RGS6: variants seen among roughly 807,000 people sequenced by gnomAD.
The protein encoded by RGS6 is regulator of G-protein signaling 6.
Under a neutral mutation model 78.5 loss-of-function variants are expected in RGS6, and 30 were observed. The observed-to-expected ratio is 0.38, with a 90% CI of 0.29 to 0.52. The LOEUF is 0.52. Among genes scored for constraint, RGS6 ranks in the 20% least tolerant of loss-of-function variants. The probability of loss-of-function intolerance (pLI) is 0.85; values close to 1 mark genes in which losing one functional copy is unlikely to be tolerated. For missense variants in RGS6, 495 were observed against 609.7 expected (o/e 0.81, Z 1.98); for synonymous variants, 206 against 206.0 (o/e 1.00, Z 0.00).
chr14:72,374,425 A>G (rs1490247307), intron 3 of RGS6, among the ~76,000 whole-genome samples: 1 of 152,210 alleles, frequency 6.6e-6, no homozygotes, highest in African/African-American at 2.4e-5. Context: ...CATTATTCAC[A>G]ATAGCAAAGA....
chr14:72,398,071 G>T (rs866608559), intron 3 of RGS6, among the ~76,000 whole-genome samples: 19 of 152,318 alleles, frequency 1.2e-4, no homozygotes, highest in Admixed American at 1.0e-3. Flanking sequence ...CTCATAAAAT[G>T]AGTTAGGGAG....
At chr14:72,189,074 G>C (rs1177604246) in intron 2 of RGS6, among the ~76,000 whole-genome samples, 2 of 152,196 alleles carry the variant, frequency 1.3e-5, no homozygotes, top group Non-Finnish European at 2.9e-5. Context: ...GGCTCAGATA[G>C]TAAATGTGTT....
At chr14:71,905,176 G>T in the RGS6 span, among the ~76,000 whole-genome samples, 1 of 152,122 alleles carries the variant, frequency 6.6e-6, no homozygotes, top group African/African-American at 2.4e-5. Context: ...TCCATCCATG[G>T]ACAGCAGATG....
At chr14:71,907,803 T>G in the RGS6 span, among the ~76,000 whole-genome samples, 1 of 151,710 alleles carries the variant, frequency 6.6e-6, no homozygotes, top group East Asian at 1.9e-4. Context: ...AGAGGTGAAA[T>G]CAACAGGGAT....
chr14:71,890,358 C>CAGACAGAGAGAGAGAGAGAG, the RGS6 span, among the ~76,000 whole-genome samples: 476 of 133,056 alleles, frequency 3.6e-3, 4 homozygotes, highest in African/African-American at 0.012. Flanking sequence ...GTGCATAAGA[C>CAGACAGAGAGAGAGAGAGAG]AGAGAGAGAG....
chr14:71,932,061 C>T (rs1008600841), upstream of RGS6, among the ~76,000 whole-genome samples: 3 of 152,248 alleles, frequency 2.0e-5, no homozygotes, highest in Non-Finnish European at 4.4e-5. Flanking sequence ...CTAAGAGAAC[C>T]TTGACGCCGC....
intron 2 of RGS6, among the ~76,000 whole-genome samples, chr14:72,028,248 A>G (rs1335204414): frequency 3.3e-5 from 5 of 152,202 alleles, no homozygotes; most frequent in African/African-American, 1.2e-4. Flanking sequence ...TTTCGAGGAT[A>G]TGTTCTGCGT....
At chr14:72,481,530 C>A (rs548668879) in intron 12 of RGS6, among the ~76,000 whole-genome samples, 1 of 152,136 alleles carries the variant, frequency 6.6e-6, no homozygotes, top group Non-Finnish European at 1.5e-5. Flanking sequence ...TGGGGCTTTG[C>A]GGGAGAAAAG....
chr14:72,547,270 G>T (rs771354271), intron 17 of RGS6: 2 of 1,535,646 alleles, frequency 1.3e-6, no homozygotes, highest in South Asian at 2.4e-5. Context: ...CCAATGTCAC[G>T]GTCAAGGAGA....
At chr14:72,582,793 C>T in the RGS6 span, among the ~76,000 whole-genome samples, 1 of 152,144 alleles carries the variant, frequency 6.6e-6, no homozygotes, top group Non-Finnish European at 1.5e-5. Context: ...TCACACCCTC[C>T]ACCCTGTCTG....
chr14:72,396,382 G>C (rs1401568648), intron 3 of RGS6, among the ~76,000 whole-genome samples: 1 of 152,114 alleles, frequency 6.6e-6, no homozygotes, highest in Non-Finnish European at 1.5e-5. Flanking sequence ...TTTTGATGGG[G>C]TTGTTTGTTT....
the RGS6 span, among the ~76,000 whole-genome samples, chr14:72,600,356 G>A: frequency 7.2e-6 from 1 of 138,808 alleles, no homozygotes; most frequent in South Asian, 2.6e-4. Context: ...TGTCCCCAGC[G>A]CTAGGCCAGC....
chr14:72,030,592 T>C (rs143836961), intron 2 of RGS6, among the ~76,000 whole-genome samples: 222 of 139,086 alleles, frequency 1.6e-3, no homozygotes, highest in African/African-American at 6.4e-3. Context: ...GATTTCATAA[T>C]TGTTAAGGTG....
chr14:72,501,295 G>A (rs1045182139), intron 13 of RGS6, among the ~76,000 whole-genome samples: 3 of 152,110 alleles, frequency 2.0e-5, no homozygotes, highest in Non-Finnish European at 4.4e-5. Flanking sequence ...AGATGACATA[G>A]GATATACAAT....
chr14:72,280,243 C>T (rs1342367673), intron 2 of RGS6, among the ~76,000 whole-genome samples: 1 of 151,704 alleles, frequency 6.6e-6, no homozygotes, highest in East Asian at 1.9e-4. Flanking sequence ...TGAAGTATTA[C>T]CATAAGCATC....
chr14:72,568,436 C>A (rs1191131009), downstream of RGS6, among the ~76,000 whole-genome samples: 1 of 152,166 alleles, frequency 6.6e-6, no homozygotes, highest in Admixed American at 6.5e-5. Context: ...TCCCTGGCAG[C>A]CTGGCCCCTG....
intron 2 of RGS6, among the ~76,000 whole-genome samples, chr14:72,149,756 TAGTCTACAGATTTGGGGTC>T (rs1310171970): frequency 6.6e-6 from 1 of 152,214 alleles, no homozygotes; most frequent in East Asian, 1.9e-4. Context: ...TTGGGGTGTC[TAGTCTACAGATTTGGGGTC>T]ATATATCTCC....
chr14:72,310,272 A>G (rs1335514910), intron 2 of RGS6, among the ~76,000 whole-genome samples: 2 of 152,244 alleles, frequency 1.3e-5, no homozygotes, highest in South Asian at 2.1e-4. Flanking sequence ...ATACAGCAGC[A>G]GCGGCGTCAG....
the RGS6 span, among the ~76,000 whole-genome samples, chr14:71,902,733 T>C: frequency 2.6e-5 from 4 of 152,112 alleles, no homozygotes; most frequent in African/African-American, 9.7e-5. Context: ...CATAAACTTA[T>C]TTGAAAGATT....
Sources: gnomAD v4.1 joint callset for allele counts (sites outside exome capture counted in the v4.1 genomes callset) on GRCh38, gnomAD v4.1.1 for gene constraint, MANE v1.5 for transcripts, NCBI Gene and HGNC (gene_info 2026-07-23, HGNC 2026-07-21) for gene names.